Variants in DMD observed in about 807,000 individuals in gnomAD.
DMD encodes dystrophin.
A neutral mutation model predicts 330.1 loss-of-function variants in DMD; 63 were observed. The ratio of observed to expected loss-of-function variants is 0.19; its 90% CI spans 0.16 to 0.24. The LOEUF (loss-of-function observed/expected upper bound fraction) is 0.24, where lower values mean the gene tolerates loss of function less well. DMD is among the 10% of genes least tolerant of loss of function. The probability of loss-of-function intolerance (pLI) is 1.00; values close to 1 mark genes in which losing one functional copy is unlikely to be tolerated. For synonymous variants in DMD, 1,223 were observed against 959.8 expected (o/e 1.27, Z -5.07); for missense variants, 3,344 against 2,684.1 (o/e 1.25, Z -5.43).
At chrX:32,921,444 G>T (rs1161330792) in intron 2 of DMD, among the ~76,000 whole-genome samples, 1 of 111,855 alleles carries the variant, frequency 8.9e-6, no homozygotes, top group African/African-American at 3.2e-5. Flanking sequence ...AATCATATTG[G>T]CAAAGATCAA....
At chrX:33,211,107 C>G (rs2051884811) in intron 1 of DMD, among the ~76,000 whole-genome samples, 175 bp downstream of exon 1, 1 of 111,063 alleles carries the variant, frequency 9.0e-6, no homozygotes, top group African/African-American at 3.3e-5. Flanking sequence ...AAAAGTTTTC[C>G]CAATGAAAAA....
At chrX:31,833,455 T>C (rs1450055680) in intron 49 of DMD, among the ~76,000 whole-genome samples, 2 of 110,484 alleles carry the variant, frequency 1.8e-5, no homozygotes, top group Non-Finnish European at 3.8e-5. Flanking sequence ...CCTAAGATTT[T>C]TCCAGTTATT....
intron 53 of DMD, among the ~76,000 whole-genome samples, chrX:31,666,159 T>C (rs897641511): frequency 2.7e-5 from 3 of 111,602 alleles, no homozygotes; most frequent in African/African-American, 9.8e-5. Flanking sequence ...TTCAGCTCCT[T>C]TTCAGACCCC....
chrX:31,292,858 T>C (rs1270312121), intron 62 of DMD, among the ~76,000 whole-genome samples: 2 of 111,433 alleles, frequency 1.8e-5, no homozygotes, highest in Admixed American at 9.6e-5. Context: ...GGTTATATAC[T>C]GTACAATTCC....
intron 44 of DMD, among the ~76,000 whole-genome samples, chrX:32,155,119 A>T (rs188102837): frequency 2.3e-4 from 25 of 109,837 alleles, no homozygotes; most frequent in African/African-American, 8.0e-4. Context: ...AGAGCAAATA[A>T]TGGAAGGATG....
chrX:32,597,825 T>C (rs542594175), intron 12 of DMD, among the ~76,000 whole-genome samples: 2 of 112,155 alleles, frequency 1.8e-5, no homozygotes, highest in African/African-American at 6.5e-5. Context: ...TGTTACACTA[T>C]TTATTATTGG....
chrX:32,285,351 C>A (rs2097435924), intron 43 of DMD, among the ~76,000 whole-genome samples: 1 of 111,980 alleles, frequency 8.9e-6, no homozygotes, highest in South Asian at 3.7e-4. Flanking sequence ...GCCCGCAGAG[C>A]CTCATAATGT....
chrX:32,384,867 C>T (rs375339199), intron 33 of DMD, among the ~76,000 whole-genome samples: 6 of 110,670 alleles, frequency 5.4e-5, no homozygotes, highest in South Asian at 3.7e-4. Context: ...TCAGTCAGAA[C>T]GAAATTAAAA....
rs2051917302 is a variant in DMD, at chrX:33,211,532, G to A, written c.-220C>T. The A allele has an allele frequency of 9.5e-7, 1 of 1,057,112 alleles. No individual in the cohort carries two copies. Among genetic ancestry groups the A allele is most frequent in the Admixed American group, 3.9e-5 (1 of 25,480 alleles). The allele number at this position is 1,057,112 out of a possible 1,213,427, so 87.1% of individuals were successfully genotyped here. ...AGTGAGTGATCCCAACACTGAGTGA[G>A]TCAACACAGTAACTGATGCCAGGAT... On this transcript the variant is annotated 5_prime_UTR_variant, in exon 1 of 79. Coordinates refer to ENST00000357033, the MANE Select transcript of DMD (RefSeq NM_004006.3).
chrX:31,343,929 A>C (rs1461315039), intron 61 of DMD, among the ~76,000 whole-genome samples: 1 of 109,249 alleles, frequency 9.2e-6, no homozygotes, highest in Non-Finnish European at 1.9e-5. Context: ...AGCTGCTTTT[A>C]TAGTAGCAAA....
At chrX:31,268,468 C>G (rs905825754) in intron 62 of DMD, among the ~76,000 whole-genome samples, 1 of 112,167 alleles carries the variant, frequency 8.9e-6, no homozygotes, top group Non-Finnish European at 1.9e-5. Flanking sequence ...GGCTCATACA[C>G]TGAGATTACT....
At chrX:33,051,529 A>G (rs1018648458) in intron 1 of DMD, among the ~76,000 whole-genome samples, 1 of 108,703 alleles carries the variant, frequency 9.2e-6, no homozygotes, top group Non-Finnish European at 1.9e-5. Flanking sequence ...ACTTTTTTAG[A>G]CCACAGGTAA....
At chrX:32,935,360 C>T (rs1860625197) in intron 2 of DMD, among the ~76,000 whole-genome samples, 1 of 112,336 alleles carries the variant, frequency 8.9e-6, no homozygotes, top group Non-Finnish European at 1.9e-5. Context: ...TGCTTTGATG[C>T]CACAACAACA....
intron 1 of DMD, among the ~76,000 whole-genome samples, chrX:33,164,655 C>A (rs1277376712): frequency 3.6e-5 from 4 of 111,673 alleles, no homozygotes; most frequent in African/African-American, 1.3e-4. Context: ...AAGTAGAACA[C>A]ATCAGAAAAT....
Position 31,496,901 on chromosome X carries a change from G to C in DMD, c.8434C>G (p.Leu2812Val). The C allele has an allele frequency of 8.3e-7, 1 of 1,210,752 alleles. No homozygotes were observed. The highest frequency in any genetic ancestry group is 1.1e-6 in the Non-Finnish European group (1 of 894,963). ...ASSDQWKRLHLSLQELLVWLQ... is the reference protein window; with the variant it reads ...ASSDQWKRLHVSLQELLVWLQ... ...CACACCAGAAGTTCCTGCAGAGAAA[G>C]GTGCAGACGCTTCCACTGGTCAGAA... Residue 2812 changes from leucine to valine, a missense_variant, in exon 57 of 79, where the codon CTT becomes GTT. Leu to Val is a conservative substitution (Grantham distance 32). Transcript: ENST00000357033.
intron 11 of DMD, 28 bp from the exon 12 acceptor site, chrX:32,614,481 A>T (rs2149350620): frequency 8.6e-7 from 1 of 1,157,785 alleles, no homozygotes; most frequent in East Asian, 3.0e-5. Flanking sequence ...GCCTATTATG[A>T]CCTCTTTGAA....
chrX:31,480,431 A>G (rs1047952478), intron 57 of DMD, among the ~76,000 whole-genome samples: 118 of 111,323 alleles, frequency 1.1e-3, no homozygotes, highest in African/African-American at 3.6e-3. Flanking sequence ...GCCTACAGAT[A>G]GGGAAGTACT....
intron 59 of DMD, among the ~76,000 whole-genome samples, chrX:31,463,597 T>G (rs2066667905): frequency 8.9e-6 from 1 of 112,127 alleles, no homozygotes; most frequent in South Asian, 3.7e-4. Context: ...TTGTGAACTT[T>G]ATTCTTGTCA....
chrX:32,278,280 A>G (rs2148396799), intron 43 of DMD, among the ~76,000 whole-genome samples: 1 of 111,722 alleles, frequency 9.0e-6, no homozygotes, highest in East Asian at 2.8e-4. Flanking sequence ...CAAAACCTGA[A>G]CGGACCAGTA....
Sources: gnomAD v4.1 joint callset for allele counts (sites outside exome capture counted in the v4.1 genomes callset) on GRCh38, gnomAD v4.1.1 for gene constraint, MANE v1.5 for transcripts, NCBI Gene and HGNC (gene_info 2026-07-23, HGNC 2026-07-21) for gene names.